Variants in PPARGC1A observed in about 807,000 individuals in gnomAD.
PPARGC1A encodes the protein PPARG coactivator 1 alpha.
In PPARGC1A, 25 loss-of-function variants were observed where a neutral mutation model predicts 88.7. That is an observed-to-expected ratio of 0.28 (90% CI 0.21 to 0.39). The LOEUF is 0.39. Ranked by LOEUF, PPARGC1A falls within the 10% of genes least tolerant of loss-of-function variation. The pLI, the probability that PPARGC1A is intolerant of heterozygous loss-of-function variation, is 1.00. For missense variants in PPARGC1A, 880 were observed against 968.7 expected (o/e 0.91, Z 1.22); for synonymous variants, 363 against 355.6 (o/e 1.02, Z -0.24).
chr4:24,214,147 T>C, the PPARGC1A span, among the ~76,000 whole-genome samples: 1 of 152,218 alleles, frequency 6.6e-6, no homozygotes, highest in East Asian at 1.9e-4. Context: ...GGGTGGATGG[T>C]ACATTACAGT....
the PPARGC1A span, among the ~76,000 whole-genome samples, chr4:24,387,858 A>AAGAG: frequency 1.5e-5 from 2 of 131,940 alleles, no homozygotes; most frequent in Non-Finnish European, 3.3e-5. Flanking sequence ...GAAAGAGAGA[A>AAGAG]AGAGAGAAAG....
the PPARGC1A span, among the ~76,000 whole-genome samples, chr4:24,359,432 T>C: frequency 2.0e-5 from 3 of 152,180 alleles, no homozygotes; most frequent in Non-Finnish European, 2.9e-5. Context: ...CCATGTCCAA[T>C]TGCCCACATG....
the PPARGC1A span, among the ~76,000 whole-genome samples, chr4:24,151,263 C>T: frequency 2.0e-5 from 3 of 152,296 alleles, no homozygotes; most frequent in African/African-American, 7.2e-5. Flanking sequence ...TATCACAGTT[C>T]TGGAGGCTAT....
chr4:23,995,064 A>G, the PPARGC1A span, among the ~76,000 whole-genome samples: 1 of 152,164 alleles, frequency 6.6e-6, no homozygotes, highest in African/African-American at 2.4e-5. Context: ...TCTACAATCA[A>G]TCTCTTGTGG....
intron 2 of PPARGC1A, 59 bp downstream of exon 2, chr4:23,884,693 G>T: frequency 6.7e-7 from 1 of 1,487,314 alleles, no homozygotes. Flanking sequence ...CTATTACCAT[G>T]TTAGTCGGGC....
chr4:23,890,116 C>A, upstream of PPARGC1A: 2 of 1,333,340 alleles, frequency 1.5e-6, no homozygotes, highest in Admixed American at 3.0e-5. Context: ...AAAAAGTAGG[C>A]TGGGCTGTCA....
At chr4:24,244,529 A>G in the PPARGC1A span, among the ~76,000 whole-genome samples, 2 of 152,198 alleles carry the variant, frequency 1.3e-5, no homozygotes, top group Non-Finnish European at 2.9e-5. Flanking sequence ...ATTCAAACCC[A>G]TGTTCTCTGC....
chr4:24,206,397 A>C, the PPARGC1A span, among the ~76,000 whole-genome samples: 1 of 152,262 alleles, frequency 6.6e-6, no homozygotes, highest in Non-Finnish European at 1.5e-5. Context: ...TGAAGCTGCT[A>C]TAAATTTGCA....
At chr4:24,284,891 G>C in the PPARGC1A span, among the ~76,000 whole-genome samples, 2 of 152,098 alleles carry the variant, frequency 1.3e-5, no homozygotes, top group Non-Finnish European at 2.9e-5. Context: ...AGGTGGGCAT[G>C]GTGGCAGGTG....
At chr4:23,901,991 T>C (rs1034611497), upstream of PPARGC1A, among the ~76,000 whole-genome samples, 2 of 152,176 alleles carry the variant, frequency 1.3e-5, no homozygotes, top group African/African-American at 4.8e-5. Context: ...CATATATGGC[T>C]ACTGAGAACT....
At chr4:23,949,624 A>C in the PPARGC1A span, among the ~76,000 whole-genome samples, 2 of 152,186 alleles carry the variant, frequency 1.3e-5, no homozygotes, top group African/African-American at 4.8e-5. Flanking sequence ...CATTTTAAGC[A>C]AATGGATTCC....
At chr4:23,858,355 G>A (rs747492179) in intron 2 of PPARGC1A, among the ~76,000 whole-genome samples, 5 of 152,160 alleles carry the variant, frequency 3.3e-5, no homozygotes, top group Non-Finnish European at 5.9e-5. Flanking sequence ...ATCAGTAAAT[G>A]TTTGCTGAAT....
rs745871537 is a variant in PPARGC1A, at chr4:23,814,634, AAAGAG to A, written c.878-34_878-30del. On this transcript the variant is annotated intron_variant, in intron 7 of 12. Coordinates refer to ENST00000264867, the MANE Select transcript of PPARGC1A (RefSeq NM_013261.5). ...AGGCAAAAATTAAAAAAAAAAAAAA[AAAGAG>A]AGAGAAAGAAAAGAGACAGAGATAA... is the stretch of plus-strand genomic sequence containing the variant. 3.1e-4 allele frequency: 440 copies of A among 1,439,528 alleles called. No homozygotes were observed. The African/African-American group carries it at 5.3e-3, about 17-fold the overall frequency. 89.2% of individuals were successfully genotyped at this position (1,439,528 alleles called of 1,614,324 possible).
chr4:24,328,203 G>A, the PPARGC1A span, among the ~76,000 whole-genome samples: 2 of 151,966 alleles, frequency 1.3e-5, no homozygotes, highest in East Asian at 1.9e-4. Context: ...TCACACGGAC[G>A]CGCATGAAAC....
the PPARGC1A span, among the ~76,000 whole-genome samples, chr4:24,467,921 G>T: frequency 6.6e-6 from 1 of 152,252 alleles, no homozygotes; most frequent in Non-Finnish European, 1.5e-5. Context: ...TAAAAAGCAG[G>T]GTCAAGCCTC....
chr4:24,013,473 C>A, the PPARGC1A span, among the ~76,000 whole-genome samples: 1 of 152,048 alleles, frequency 6.6e-6, no homozygotes, highest in Non-Finnish European at 1.5e-5. Context: ...AACAGTCTAT[C>A]AAAAGTTCAC....
rs111632282 is a variant in PPARGC1A, at chr4:23,854,192, C to T, written c.235-22441G>A. 5.0e-3 allele frequency among the ~76,000 whole-genome samples: 755 copies of T among 152,250 alleles called. 8 individuals are homozygous for T. The highest frequency in any genetic ancestry group is 0.017 in the African/African-American group (713 of 41,540). On this transcript the variant is annotated intron_variant, in intron 2 of 12. Transcript: ENST00000264867. Reference sequence around the variant, plus strand: ...TGTACATGACAAGTGTCAGATAAGTCAGTCCGATACTGAGTGTTAGTTCTG... The same window carrying T: ...TGTACATGACAAGTGTCAGATAAGTTAGTCCGATACTGAGTGTTAGTTCTG...
At chr4:23,889,127 G>C (rs1232688162) in intron 1 of PPARGC1A, 1 of 985,232 alleles carries the variant, frequency 1.0e-6, no homozygotes. Context: ...CTGTGGAATT[G>C]ATGTATTGCT....
chr4:23,977,130 G>A, the PPARGC1A span, among the ~76,000 whole-genome samples: 2 of 151,876 alleles, frequency 1.3e-5, no homozygotes, highest in South Asian at 4.2e-4. Flanking sequence ...AAGAGGAGAG[G>A]AATGCTCCTT....
Sources: gnomAD v4.1 joint callset for allele counts (sites outside exome capture counted in the v4.1 genomes callset) on GRCh38, gnomAD v4.1.1 for gene constraint, MANE v1.5 for transcripts, NCBI Gene and HGNC (gene_info 2026-07-23, HGNC 2026-07-21) for gene names.